Variants in ACTR3C observed in about 807,000 individuals in gnomAD.
ACTR3C encodes actin-related protein 3C.
A neutral mutation model predicts 26.3 loss-of-function variants in ACTR3C; 18 were observed. The ratio of observed to expected loss-of-function variants is 0.68; its 90% CI spans 0.47 to 1.01. The LOEUF (loss-of-function observed/expected upper bound fraction) is 1.01. ACTR3C is among the 50% of genes least tolerant of loss of function. The probability of loss-of-function intolerance (pLI) is 0.00; values close to 1 mark genes in which losing one functional copy is unlikely to be tolerated. For missense variants in ACTR3C, 184 were observed against 250.7 expected (o/e 0.73, Z 1.80); for synonymous variants, 55 against 94.5 (o/e 0.58, Z 2.42).
At chr7:150,194,680 T>C in the ACTR3C span, among the ~76,000 whole-genome samples, 2 of 152,234 alleles carry the variant, frequency 1.3e-5, no homozygotes, top group Admixed American at 6.5e-5. Context: ...TTGTTTTCAT[T>C]GTTTCATTTT....
the ACTR3C span, among the ~76,000 whole-genome samples, chr7:150,223,210 A>G: frequency 6.6e-6 from 1 of 152,292 alleles, no homozygotes; most frequent in East Asian, 1.9e-4. Flanking sequence ...ACTGAATGCA[A>G]TGTTTATGAG....
chr7:150,041,942 C>T, the ACTR3C span, among the ~76,000 whole-genome samples: 2 of 149,188 alleles, frequency 1.3e-5, no homozygotes, highest in African/African-American at 2.5e-5. Flanking sequence ...TCTCAGTAAT[C>T]CCACGTAAGG....
chr7:149,994,749 G>C, the ACTR3C span, among the ~76,000 whole-genome samples: 1 of 152,118 alleles, frequency 6.6e-6, no homozygotes, highest in Admixed American at 6.5e-5. Context: ...AGAAAATCTT[G>C]GAGGAGGCAG....
the ACTR3C span, among the ~76,000 whole-genome samples, chr7:150,037,000 C>A: frequency 1.3e-5 from 1 of 79,272 alleles, no homozygotes; most frequent in African/African-American, 4.9e-5. Context: ...GCCTCCGCCC[C>A]CCTGCGATGG....
At chr7:149,887,371 C>T in the ACTR3C span, among the ~76,000 whole-genome samples, 2 of 152,136 alleles carry the variant, frequency 1.3e-5, no homozygotes, top group Non-Finnish European at 2.9e-5. Flanking sequence ...TCCTTATTAC[C>T]TTATTAACCT....
chr7:150,197,094 A>C, the ACTR3C span, among the ~76,000 whole-genome samples: 4 of 152,134 alleles, frequency 2.6e-5, no homozygotes, highest in African/African-American at 4.8e-5. Flanking sequence ...CTTCATGGAC[A>C]CGGGGCAGTA....
the ACTR3C span, among the ~76,000 whole-genome samples, chr7:150,157,705 G>A: frequency 6.6e-6 from 1 of 152,208 alleles, no homozygotes; most frequent in Non-Finnish European, 1.5e-5. Context: ...AAGCATAGAC[G>A]AAGAGTAGAA....
the ACTR3C span, among the ~76,000 whole-genome samples, chr7:150,103,073 ATGTGTG>A: frequency 2.7e-5 from 4 of 146,964 alleles, no homozygotes; most frequent in Non-Finnish European, 3.0e-5. Context: ...GTGTGTGTGT[ATGTGTG>A]TGTGTGTGTG....
the ACTR3C span, among the ~76,000 whole-genome samples, chr7:150,035,565 C>T: frequency 3.7e-5 from 3 of 81,102 alleles, no homozygotes; most frequent in African/African-American, 5.9e-5. Flanking sequence ...TCCGCAGAGC[C>T]GGGGGGGAAG....
the ACTR3C span, among the ~76,000 whole-genome samples, chr7:150,180,634 T>C: frequency 6.8e-6 from 1 of 147,180 alleles, no homozygotes; most frequent in African/African-American, 2.7e-5. Flanking sequence ...CGCCTCAGCC[T>C]CCCGAGTAGC....
At chr7:150,191,835 C>T in the ACTR3C span, among the ~76,000 whole-genome samples, 5 of 152,162 alleles carry the variant, frequency 3.3e-5, no homozygotes, top group African/African-American at 1.2e-4. Flanking sequence ...CAGTTTTCAC[C>T]ATTAAGAATT....
At chr7:150,039,666 T>C in the ACTR3C span, among the ~76,000 whole-genome samples, 2 of 130,426 alleles carry the variant, frequency 1.5e-5, no homozygotes, top group Non-Finnish European at 3.2e-5. Context: ...GTCCTAAGGA[T>C]CTTAGGATCA....
At chr7:150,207,442 T>C in the ACTR3C span, among the ~76,000 whole-genome samples, 1 of 152,182 alleles carries the variant, frequency 6.6e-6, no homozygotes, top group Non-Finnish European at 1.5e-5. Flanking sequence ...TATTCAGCAT[T>C]GGATAAATTA....
At chr7:150,113,841 AAATTT>A in the ACTR3C span, among the ~76,000 whole-genome samples, 255 of 152,324 alleles carry the variant, frequency 1.7e-3, 1 homozygote, top group African/African-American at 5.7e-3. Flanking sequence ...ACCGTACTAT[AAATTT>A]ATTTTATAAG....
chr7:150,048,232 G>T, the ACTR3C span, among the ~76,000 whole-genome samples: 2 of 152,146 alleles, frequency 1.3e-5, 1 homozygote, highest in Non-Finnish European at 2.9e-5. Flanking sequence ...CTAGGCCCCA[G>T]AATTTGGCAC....
chr7:150,056,558 C>T, the ACTR3C span, among the ~76,000 whole-genome samples: 1 of 152,150 alleles, frequency 6.6e-6, no homozygotes. Flanking sequence ...TGAGAGGTAC[C>T]ACCGAAATTG....
intron 4 of ACTR3C, among the ~76,000 whole-genome samples, chr7:150,289,137 G>A (rs1836013276): frequency 6.6e-6 from 1 of 152,146 alleles, no homozygotes; most frequent in Non-Finnish European, 1.5e-5. Context: ...CATGGAGGCA[G>A]TATGGAAGGA....
chr7:150,233,060 C>T, the ACTR3C span, among the ~76,000 whole-genome samples: 4 of 152,074 alleles, frequency 2.6e-5, no homozygotes, highest in Admixed American at 1.3e-4. Context: ...CTTTGGCACT[C>T]TTCCTTTGTT....
At chr7:149,971,213 C>T in the ACTR3C span, among the ~76,000 whole-genome samples, 1 of 152,174 alleles carries the variant, frequency 6.6e-6, no homozygotes, top group Admixed American at 6.5e-5. Flanking sequence ...TCGCCTCTAG[C>T]CACAGGGGTC....
Sources: gnomAD v4.1 joint callset for allele counts (sites outside exome capture counted in the v4.1 genomes callset) on GRCh38, gnomAD v4.1.1 for gene constraint, MANE v1.5 for transcripts, NCBI Gene and HGNC (gene_info 2026-07-23, HGNC 2026-07-21) for gene names.